ANKRD6: variants seen among roughly 807,000 people sequenced by gnomAD.
ANKRD6 encodes ankyrin repeat domain-containing protein 6.
ANKRD6 carries 56 observed loss-of-function variants against 82.3 expected under a neutral mutation model. The observed-to-expected ratio is 0.68, with a 90% CI of 0.55 to 0.85. ANKRD6 has a LOEUF of 0.85. Ranked by LOEUF, ANKRD6 falls within the 40% of genes least tolerant of loss-of-function variation. The pLI, the probability that ANKRD6 is intolerant of heterozygous loss-of-function variation, is 0.00. For missense variants in ANKRD6, 852 were observed against 907.6 expected, an observed-to-expected ratio of 0.94 and a Z score of 0.79; for synonymous variants, 347 against 352.1, an observed-to-expected ratio of 0.99 and a Z score of 0.16.
intron 1 of ANKRD6, among the ~76,000 whole-genome samples, chr6:89,456,899 G>A (rs1189751585): frequency 6.6e-6 from 1 of 152,144 alleles, no homozygotes; most frequent in Non-Finnish European, 1.5e-5. Flanking sequence ...ATGATTTATT[G>A]TATCTCAATA....
chr6:89,477,249 A>G (rs554035000), intron 1 of ANKRD6, among the ~76,000 whole-genome samples: 45 of 151,982 alleles, frequency 3.0e-4, no homozygotes, highest in African/African-American at 1.1e-3. Context: ...CAGCCGGTGA[A>G]AGGTTTTTTT....
intron 1 of ANKRD6, among the ~76,000 whole-genome samples, chr6:89,503,241 A>T (rs1472150680): frequency 2.6e-5 from 4 of 152,344 alleles, no homozygotes; most frequent in South Asian, 4.1e-4. Flanking sequence ...AAAGAGAAAG[A>T]CGAGAGTCCT....
At chr6:89,514,302 T>TG (rs1180962734) in intron 1 of ANKRD6, among the ~76,000 whole-genome samples, 1 of 151,974 alleles carries the variant, frequency 6.6e-6, no homozygotes, top group Non-Finnish European at 1.5e-5. Context: ...CGCTTGAACC[T>TG]GGGGGGCGGA....
intron 1 of ANKRD6, among the ~76,000 whole-genome samples, chr6:89,471,368 A>C (rs1316241346): frequency 2.0e-5 from 3 of 151,194 alleles, no homozygotes; most frequent in African/African-American, 7.3e-5. Context: ...ACAAAAAAAA[A>C]AAAAAAAAAA....
chr6:89,567,314 C>T (rs999346465), intron 2 of ANKRD6, among the ~76,000 whole-genome samples: 5 of 152,136 alleles, frequency 3.3e-5, no homozygotes, highest in Admixed American at 1.3e-4. Context: ...TTTAAAATCA[C>T]GGTGGCTTTT....
At chr6:89,584,141 C>T (rs919947032) in intron 2 of ANKRD6, among the ~76,000 whole-genome samples, 5 of 152,318 alleles carry the variant, frequency 3.3e-5, no homozygotes, top group Admixed American at 2.0e-4. Flanking sequence ...TGGGTGTCAG[C>T]GTTTAAAAAT....
intron 2 of ANKRD6, among the ~76,000 whole-genome samples, chr6:89,568,887 T>C (rs947314444): frequency 6.6e-6 from 1 of 151,688 alleles, no homozygotes; most frequent in African/African-American, 2.4e-5. Flanking sequence ...CATTCAAATA[T>C]TAGAACATTT....
intron 1 of ANKRD6, among the ~76,000 whole-genome samples, chr6:89,549,372 TCCCCAC>T (rs1785511288): frequency 7.4e-6 from 1 of 135,600 alleles, no homozygotes; most frequent in Non-Finnish European, 1.6e-5. Context: ...CAAGTTTGCC[TCCCCAC>T]CCCCAATCCC....
chr6:89,616,797 G>A, intron 8 of ANKRD6, 140 bp downstream of exon 8: 2 of 858,466 alleles, frequency 2.3e-6, no homozygotes, highest in South Asian at 1.4e-5. Context: ...AGCCCCCAGG[G>A]CCATTGGGGT....
At chr6:89,461,807 TG>T (rs991316676) in intron 1 of ANKRD6, among the ~76,000 whole-genome samples, 1 of 152,220 alleles carries the variant, frequency 6.6e-6, no homozygotes, top group African/African-American at 2.4e-5. Context: ...TTTACATCCC[TG>T]GAAGCTTGTC....
At chr6:89,513,174 G>T (rs1296427961) in intron 1 of ANKRD6, among the ~76,000 whole-genome samples, 1 of 152,160 alleles carries the variant, frequency 6.6e-6, no homozygotes, top group Non-Finnish European at 1.5e-5. Context: ...GAGTAGCTGG[G>T]ATTACAGGCA....
chr6:89,450,877 A>G (rs1772726903), intron 1 of ANKRD6, among the ~76,000 whole-genome samples: 1 of 152,224 alleles, frequency 6.6e-6, no homozygotes, highest in South Asian at 2.1e-4. Context: ...ATAGACTACG[A>G]TATAGTGTAA....
intron 1 of ANKRD6, among the ~76,000 whole-genome samples, chr6:89,461,125 G>A (rs1243688040): frequency 6.6e-6 from 1 of 152,096 alleles, no homozygotes; most frequent in Non-Finnish European, 1.5e-5. Context: ...TATTGGCCAT[G>A]CTAGTCTCTA....
At chr6:89,507,026 A>G (rs962485252) in intron 1 of ANKRD6, among the ~76,000 whole-genome samples, 25 of 152,360 alleles carry the variant, frequency 1.6e-4, no homozygotes, top group African/African-American at 3.4e-4. Context: ...CCAACTGTCA[A>G]TATTTTCCAA....
At chr6:89,621,771 G>C in intron 9 of ANKRD6, 151 bp from the exon 10 acceptor site, 1 of 708,646 alleles carries the variant, frequency 1.4e-6, no homozygotes, top group Non-Finnish European at 2.5e-6. Flanking sequence ...AGGATGGTAG[G>C]TGGTCCAGAG....
intron 15 of ANKRD6, among the ~76,000 whole-genome samples, chr6:89,629,695 G>C (rs1308434112): frequency 6.6e-6 from 1 of 152,166 alleles, no homozygotes; most frequent in Non-Finnish European, 1.5e-5. Flanking sequence ...TGCCCCCAGT[G>C]CTAGATAGGA....
At chr6:89,607,038 G>A (rs1234379072) in intron 5 of ANKRD6, among the ~76,000 whole-genome samples, 1 of 152,028 alleles carries the variant, frequency 6.6e-6, no homozygotes, top group Non-Finnish European at 1.5e-5. Context: ...GGATGTGGTG[G>A]TGCATGCCGT....
At position 89,580,677 on chromosome 6, in the gene ANKRD6, T is replaced by C. The variant is rs887805414; in HGVS notation, c.120+13581T>C. ...TTCCACGAGGGATTTGCGATGCTGG[T>C]GTTCTAAGGCAGGGGAGCAGTGGAA... On this transcript the variant is annotated intron_variant, in intron 2 of 15. Transcript: ENST00000339746. 2.0e-5 allele frequency among the ~76,000 whole-genome samples: 3 copies of C among 152,028 alleles called. No homozygotes were observed. In the East Asian group the frequency reaches 5.8e-4, roughly 29 times the overall value.
intron 1 of ANKRD6, 145 bp from the exon 2 acceptor site, chr6:89,566,687 AGT>A (rs907324870): frequency 2.7e-5 from 9 of 328,072 alleles, no homozygotes; most frequent in African/African-American, 1.7e-4. Flanking sequence ...TTTGCTGTGG[AGT>A]GTGCTTCCTG....
Sources: allele counts gnomAD v4.1 joint callset (sites outside exome capture counted in the v4.1 genomes callset), GRCh38; gene constraint gnomAD v4.1.1; transcripts MANE v1.5; gene names NCBI Gene and HGNC (gene_info 2026-07-23, HGNC 2026-07-21).